METAP1: variants seen among roughly 807,000 people sequenced by gnomAD.
The protein encoded by METAP1 is methionyl aminopeptidase 1, also known as methionine aminopeptidase 1.
METAP1 carries 28 observed loss-of-function variants against 53.8 expected under a neutral mutation model. The observed-to-expected ratio is 0.52, with a 90% CI of 0.39 to 0.71. The LOEUF is 0.71. Among genes scored for constraint, METAP1 ranks in the 30% least tolerant of loss-of-function variants. METAP1 has a pLI of 0.00. For synonymous variants in METAP1, 181 were observed against 165.7 expected (o/e 1.09, Z -0.71); for missense variants, 389 against 479.8 (o/e 0.81, Z 1.77).
intron 2 of METAP1, chr4:99,031,337 C>A: frequency 1.9e-6 from 1 of 516,100 alleles, no homozygotes; most frequent in Non-Finnish European, 2.5e-6. Flanking sequence ...CTGACATATT[C>A]AGTGTGTTTG....
intron 5 of METAP1, 92 bp from the exon 6 acceptor site, chr4:99,040,951 T>G: frequency 1.7e-6 from 1 of 595,294 alleles, no homozygotes; most frequent in Non-Finnish European, 2.7e-6. Context: ...GGGAGATTCA[T>G]TTTTACCAAT....
chr4:99,059,523 G>T (rs1447137032), intron 10 of METAP1, among the ~76,000 whole-genome samples: 2 of 152,156 alleles, frequency 1.3e-5, no homozygotes, highest in Non-Finnish European at 1.5e-5. Context: ...TTGTCTGTCT[G>T]AGGCAGTGAG....
At chr4:99,057,881 C>G in intron 10 of METAP1, 63 bp downstream of exon 10, 2 of 1,391,494 alleles carry the variant, frequency 1.4e-6, no homozygotes, top group Non-Finnish European at 2.0e-6. Flanking sequence ...GGTAATTCAT[C>G]ATGTCAGTGG....
At chr4:99,054,294 G>A (rs778141807) in intron 9 of METAP1, among the ~76,000 whole-genome samples, 21 of 152,126 alleles carry the variant, frequency 1.4e-4, no homozygotes, top group Admixed American at 5.9e-4. Flanking sequence ...CCGCTTCACC[G>A]TGCACTTTTA....
intron 1 of METAP1, among the ~76,000 whole-genome samples, chr4:99,027,485 G>A (rs1239464243): frequency 6.6e-6 from 1 of 151,796 alleles, no homozygotes; most frequent in South Asian, 2.1e-4. Flanking sequence ...ACAGACTTTA[G>A]TCTTTCTTCC....
intron 1 of METAP1, chr4:99,026,790 A>G: frequency 2.0e-6 from 2 of 985,390 alleles, no homozygotes; most frequent in East Asian, 1.1e-4. Flanking sequence ...TTTTGACACC[A>G]TTAATGATGT....
At chr4:99,005,753 A>T (rs1382914280) in intron 1 of METAP1, 55 of 431,040 alleles carry the variant, frequency 1.3e-4, no homozygotes, top group Non-Finnish European at 2.5e-4. Flanking sequence ...AAAGAATGAA[A>T]TAATATCTTT....
At chr4:99,025,002 A>T (rs771202733) in intron 1 of METAP1, among the ~76,000 whole-genome samples, 16 of 152,216 alleles carry the variant, frequency 1.1e-4, no homozygotes, top group Non-Finnish European at 2.4e-4. Flanking sequence ...TGCAGTTCAA[A>T]ATAGAGTTTG....
chr4:99,052,469 C>T (rs1157296480), intron 9 of METAP1, among the ~76,000 whole-genome samples: 4 of 152,046 alleles, frequency 2.6e-5, no homozygotes, highest in African/African-American at 4.8e-5. Flanking sequence ...ACAATCATGG[C>T]GGAAGGCAAA....
chr4:99,061,171 A>G lies in METAP1; in HGVS notation c.1015A>G (p.Thr339Ala), dbSNP rs1727521903. The stretch of plus-strand genomic sequence containing the variant: ...TGTTGAAGGCGGATGGCAGGATGAA[A>G]CCTGGCCAGATGGTTGGACTGCGGT... ...MICEGGWQDETWPDGWTAVTR... is the reference protein window; with the variant it reads ...MICEGGWQDEAWPDGWTAVTR... Residue 339 changes from threonine (T) to alanine (A), a missense_variant, in exon 11 of 11, where the codon ACC becomes GCC. Coordinates refer to ENST00000296411, the MANE Select transcript of METAP1 (RefSeq NM_015143.3). 1.9e-6 allele frequency: 3 copies of G among 1,613,080 alleles called. No homozygotes were observed. The highest frequency in any genetic ancestry group is 2.5e-6 in the Non-Finnish European group (3 of 1,179,558).
rs1725294530 is a variant in METAP1, at chr4:99,034,609, T to C, written c.279+267T>C. 2.0e-5 allele frequency among the ~76,000 whole-genome samples: 3 copies of C among 152,270 alleles called. 1 individual carries two copies. Among genetic ancestry groups the C allele is most frequent in the African/African-American group, 2.4e-5 (1 of 41,552 alleles). On this transcript the variant is annotated intron_variant, in intron 3 of 10. Transcript: ENST00000296411. ...TAGAATAGATATTTTGTTGCTGGCA[T>C]GATGGTAGTGTGTACAGTCGTCCCT... is the stretch of plus-strand genomic sequence containing the variant.
At chr4:99,019,821 C>T (rs2110302507) in intron 1 of METAP1, among the ~76,000 whole-genome samples, 1 of 152,348 alleles carries the variant, frequency 6.6e-6, no homozygotes, top group African/African-American at 2.4e-5. Context: ...GTAATTTTAA[C>T]ATACCTTGTC....
intron 1 of METAP1, chr4:99,022,983 C>T: frequency 1.3e-5 from 19 of 1,476,378 alleles, no homozygotes; most frequent in South Asian, 2.4e-5. Context: ...GGATATGGCC[C>T]AGGTACACAA....
intron 1 of METAP1, among the ~76,000 whole-genome samples, chr4:98,996,073 C>T (rs949803404): frequency 6.6e-6 from 1 of 152,008 alleles, no homozygotes; most frequent in Admixed American, 6.5e-5. Context: ...GCTGGGCTCA[C>T]GCGGGGGCGG....
chr4:99,001,066 A>G lies in METAP1; in HGVS notation c.114+5199A>G, dbSNP rs571115487. The stretch of plus-strand genomic sequence containing the variant: ...GTAGAGAAGGAATTGCCGTTATAAC[A>G]TGCAGTATCTTTGAAATGCAACCCT... On this transcript the variant is annotated intron_variant, in intron 1 of 10. Coordinates refer to ENST00000296411, the MANE Select transcript of METAP1 (RefSeq NM_015143.3). 1.8e-4 allele frequency among the ~76,000 whole-genome samples: 28 copies of G among 152,356 alleles called. No homozygotes were observed. The South Asian group carries it at 5.2e-3, about 28-fold the overall frequency.
At chr4:99,001,246 C>T (rs1026520968) in intron 1 of METAP1, among the ~76,000 whole-genome samples, 1 of 152,166 alleles carries the variant, frequency 6.6e-6, no homozygotes, top group Non-Finnish European at 1.5e-5. Context: ...CACCCTTAAA[C>T]ACTCCTGTAA....
chr4:99,005,811 C>T (rs1041828567), intron 1 of METAP1: 2 of 425,912 alleles, frequency 4.7e-6, no homozygotes, highest in Non-Finnish European at 9.3e-6. Flanking sequence ...AGTGAAGTAA[C>T]TCTGGAATGG....
intron 1 of METAP1, 27 bp downstream of exon 1, chr4:98,995,894 G>A (rs1206052386): frequency 1.7e-5 from 25 of 1,508,616 alleles, no homozygotes; most frequent in South Asian, 2.4e-5. Context: ...CCGCGGATAT[G>A]CCGCCGCTGC....
Position 99,031,500 on chromosome 4 carries a change from GATT to G in METAP1, c.166+2584_166+2586del, listed in dbSNP as rs376073667. On this transcript the variant is annotated intron_variant, in intron 2 of 10. Coordinates refer to ENST00000296411, the MANE Select transcript of METAP1 (RefSeq NM_015143.3). ...TTCACACTAGTGTGCCTGATTTTTG[GATT>G]ACAGAGAGAAGGTGTTATGTAATGT... is the stretch of plus-strand genomic sequence containing the variant. 2.1e-5 allele frequency: 27 copies of G among 1,287,486 alleles called. No homozygotes were observed. In the African/African-American group the frequency reaches 3.8e-4, roughly 18 times the overall value. 79.8% of individuals were successfully genotyped at this position (1,287,486 alleles called of 1,614,324 possible).
Sources: allele counts gnomAD v4.1 joint callset (sites outside exome capture counted in the v4.1 genomes callset), GRCh38; gene constraint gnomAD v4.1.1; transcripts MANE v1.5; gene names NCBI Gene and HGNC (gene_info 2026-07-23, HGNC 2026-07-21).